SULF1: variants seen among roughly 807,000 people sequenced by gnomAD.
The protein encoded by SULF1 is sulfatase 1, also known as extracellular sulfatase Sulf-1.
Under a neutral mutation model 110.5 loss-of-function variants are expected in SULF1, and 46 were observed. The observed-to-expected ratio is 0.42, with a 90% CI of 0.33 to 0.53. SULF1 has a LOEUF of 0.53. Among genes scored for constraint, SULF1 ranks in the 20% least tolerant of loss-of-function variants. The pLI, the probability that SULF1 is intolerant of heterozygous loss-of-function variation, is 0.12. For missense variants in SULF1, 941 were observed against 1,094.2 expected, an observed-to-expected ratio of 0.86 and a Z score of 1.98; for synonymous variants, 371 against 387.1, an observed-to-expected ratio of 0.96 and a Z score of 0.49.
intron 22 of SULF1, among the ~76,000 whole-genome samples, chr8:69,647,105 T>C (rs569738299): frequency 6.6e-6 from 1 of 151,812 alleles, no homozygotes; most frequent in East Asian, 1.9e-4. Flanking sequence ...CCACCATGCC[T>C]GGCTAATTTT....
At chr8:69,548,171 G>A (rs893832855) in intron 3 of SULF1, among the ~76,000 whole-genome samples, 1 of 152,142 alleles carries the variant, frequency 6.6e-6, no homozygotes, top group South Asian at 2.1e-4. Context: ...GGTCTAACAA[G>A]CCACCTCCTG....
rs539750810 is a variant in SULF1 at position 69,481,640 on chromosome 8, G to A, written c.-390-14125G>A. Among the ~76,000 whole-genome samples the A allele has an allele frequency of 4.6e-5, 7 of 152,066 alleles. No homozygotes were observed. In the East Asian group the frequency reaches 7.7e-4, roughly 17 times the overall value. On this transcript the variant is annotated intron_variant, in intron 1 of 22. Transcript: ENST00000260128. ...AACCACTCACCCTATGACAGGCCCC[G>A]GTGTGTGTTGCTCCCCGCCATTGTG...
At chr8:69,498,203 C>G (rs1345310322) in intron 2 of SULF1, among the ~76,000 whole-genome samples, 1 of 151,844 alleles carries the variant, frequency 6.6e-6, no homozygotes, top group Non-Finnish European at 1.5e-5. Context: ...AGAAAACATC[C>G]TAAGTCTGAC....
chr8:69,484,137 C>A (rs1809608108), intron 1 of SULF1, among the ~76,000 whole-genome samples: 1 of 152,128 alleles, frequency 6.6e-6, no homozygotes. Context: ...CCACATTTTC[C>A]TTTTTTTCCT....
In SULF1 at chr8:69,576,014, G is replaced by T. The variant is rs201774043; in HGVS notation, c.217G>T (p.Gly73Trp). The change falls in exon 6 of 23, where the codon GGG becomes TGG. Residue 73 changes from glycine to tryptophan, a missense_variant. Physicochemically the swap from Gly to Trp is radical, Grantham distance 184 (BLOSUM62 -2). Transcript: ENST00000402687. ...MNKTRKIMEHGGATFINAFVT... is the reference protein window; with the variant it reads ...MNKTRKIMEHWGATFINAFVT... ...CAAAACGAGAAAGATTATGGAACAT[G>T]GGGGGGCCACCTTCATCAATGCCTT... 32 of 1,613,734 alleles carry T rather than the reference G, an allele frequency of 2.0e-5. No individual in the cohort carries two copies. Among genetic ancestry groups the T allele is most frequent in the Middle Eastern group, 1.6e-4 (1 of 6,082 alleles).
At chr8:69,546,109 G>T (rs1161036898) in intron 3 of SULF1, among the ~76,000 whole-genome samples, 1 of 152,174 alleles carries the variant, frequency 6.6e-6, no homozygotes, top group Non-Finnish European at 1.5e-5. Context: ...ATCACCTATA[G>T]CTGGCCACTG....
intron 19 of SULF1, chr8:69,637,686 C>A (rs1248299568): frequency 6.5e-6 from 1 of 153,256 alleles, no homozygotes; most frequent in Non-Finnish European, 1.5e-5. Context: ...CACAGTGGTG[C>A]ATGCCTGTAG....
intron 1 of SULF1, among the ~76,000 whole-genome samples, chr8:69,487,738 CAT>C (rs1363468512): frequency 7.2e-5 from 11 of 152,280 alleles, no homozygotes; most frequent in African/African-American, 2.6e-4. Flanking sequence ...GGGGTTTAAA[CAT>C]ATTTATTTAT....
intron 6 of SULF1, among the ~76,000 whole-genome samples, chr8:69,579,688 A>T (rs1805928831): frequency 2.0e-5 from 3 of 152,236 alleles, no homozygotes; most frequent in African/African-American, 7.2e-5. Flanking sequence ...TCTTCATGAC[A>T]ATAGTTATTG....
intron 3 of SULF1, among the ~76,000 whole-genome samples, chr8:69,510,085 G>A (rs1811452269): frequency 6.6e-6 from 1 of 152,120 alleles, no homozygotes; most frequent in African/African-American, 2.4e-5. Context: ...TACCATGTAT[G>A]CACCTAGTTA....
At chr8:69,519,711 C>G (rs1364979989) in intron 3 of SULF1, among the ~76,000 whole-genome samples, 1 of 152,084 alleles carries the variant, frequency 6.6e-6, no homozygotes, top group Non-Finnish European at 1.5e-5. Context: ...TCTATGCAAG[C>G]AAAAGGGTTA....
chr8:69,613,352 G>GTTT (rs534939520), intron 13 of SULF1, among the ~76,000 whole-genome samples: 9 of 136,770 alleles, frequency 6.6e-5, no homozygotes, highest in Admixed American at 2.2e-4. Flanking sequence ...CAATTTTTGG[G>GTTT]TTTTTTTTTT....
At chr8:69,643,922 C>T (rs1030654673) in intron 22 of SULF1, among the ~76,000 whole-genome samples, 7 of 152,188 alleles carry the variant, frequency 4.6e-5, no homozygotes, top group Non-Finnish European at 1.0e-4. Flanking sequence ...ATTTTCCCCA[C>T]TGCGTATGAA....
chr8:69,659,482 C>CCTG lies in SULF1; in HGVS notation c.*947_*948insCTG. The CCTG allele has an allele frequency of 3.6e-6, 1 of 276,230 alleles. No individual in the cohort carries two copies. Among genetic ancestry groups the CCTG allele is most frequent in the Non-Finnish European group, 7.1e-6 (1 of 141,412 alleles). The allele number at this position is 276,230 out of a possible 1,614,324, so 17.1% of individuals were successfully genotyped here. ...TGAGCAAGCGGTGTGCACACGGAGACTCATCGTTATAATTTACTATCTGCC... is the reference window on the plus strand; with the variant it reads ...TGAGCAAGCGGTGTGCACACGGAGACCTGTCATCGTTATAATTTACTATCTGCC... On this transcript the variant is annotated 3_prime_UTR_variant, in exon 23 of 23. Coordinates refer to ENST00000402687, the MANE Select transcript of SULF1 (RefSeq NM_001128205.2).
intron 15 of SULF1, among the ~76,000 whole-genome samples, chr8:69,626,909 A>G (rs941107642): frequency 1.3e-5 from 2 of 152,220 alleles, no homozygotes; most frequent in African/African-American, 2.4e-5. Context: ...CAGCTCAGAA[A>G]GGGGCTCCCA....
At chr8:69,555,828 G>A (rs948075634) in intron 3 of SULF1, among the ~76,000 whole-genome samples, 2 of 152,096 alleles carry the variant, frequency 1.3e-5, no homozygotes, top group African/African-American at 2.4e-5. Context: ...AGTGTTTCCA[G>A]AAATGCCTTC....
chr8:69,586,466 T>C lies in SULF1; in HGVS notation c.522T>C (p.Cys174=), dbSNP rs139810682. The change falls in exon 7 of 23, where the codon TGT becomes TGC. Residue 174 remains cysteine, a synonymous_variant. Coordinates refer to ENST00000402687, the MANE Select transcript of SULF1 (RefSeq NM_001128205.2). ...KNSRFYNYTV[C]RNGIKEKHGF... The stretch of plus-strand genomic sequence containing the variant: ...CTCGCTTCTATAATTACACTGTTTG[T>C]CGCAATGGCATCAAAGAAAAGCATG... 339 of 1,612,112 alleles carry C rather than the reference T, an allele frequency of 2.1e-4. 1 individual carries two copies. Among genetic ancestry groups the C allele is most frequent in the Non-Finnish European group, 2.7e-4 (315 of 1,179,584 alleles).
intron 6 of SULF1, among the ~76,000 whole-genome samples, chr8:69,585,022 G>A (rs143242239): frequency 2.6e-4 from 40 of 152,230 alleles, no homozygotes; most frequent in African/African-American, 8.9e-4. Context: ...GGATATAAGC[G>A]AGGGCACCTA....
intron 3 of SULF1, among the ~76,000 whole-genome samples, chr8:69,502,860 G>A (rs1037484730): frequency 2.6e-5 from 4 of 151,508 alleles, no homozygotes; most frequent in Admixed American, 2.6e-4. Context: ...GCTAATTTTT[G>A]TATTTTAGCA....
Sources: allele counts gnomAD v4.1 joint callset (sites outside exome capture counted in the v4.1 genomes callset), GRCh38; gene constraint gnomAD v4.1.1; transcripts MANE v1.5; gene names NCBI Gene and HGNC (gene_info 2026-07-23, HGNC 2026-07-21).